USP53: variants seen among roughly 807,000 people sequenced by gnomAD.
USP53 encodes the protein ubiquitin carboxyl-terminal hydrolase 53.
In USP53, 71 loss-of-function variants were observed where a neutral mutation model predicts 94.9. The ratio of observed to expected loss-of-function variants is 0.75; its 90% confidence interval spans 0.62 to 0.91. The LOEUF (loss-of-function observed/expected upper bound fraction) is 0.91, where lower values mean the gene tolerates loss of function less well. Ranked by LOEUF, USP53 falls within the 40% of genes least tolerant of loss-of-function variation. USP53 has a pLI of 0.00. For synonymous variants in USP53, 375 were observed against 422.7 expected, an observed-to-expected ratio of 0.89 and a Z score of 1.39; for missense variants, 1,173 against 1,281.0, an observed-to-expected ratio of 0.92 and a Z score of 1.29.
chr4:119,256,516 G>C lies in USP53; in HGVS notation c.562G>C (p.Ala188Pro). 3 of 1,614,010 alleles carry C rather than the reference G, an allele frequency of 1.9e-6. No homozygotes were observed. The South Asian group carries it at 3.3e-5, about 18-fold the overall frequency. Residue 188 changes from alanine to proline, a missense_variant, in exon 9 of 19, where the codon GCC becomes CCC. By Grantham distance (27) the Ala-to-Pro change is conservative. Coordinates refer to ENST00000692078, the MANE Select transcript of USP53 (RefSeq NM_001371395.1). ...ATTTGTGCGGTACATTTCTACAACA[G>C]CCTTATGGTAAGAACCTATTAAAGC... is the stretch of plus-strand genomic sequence containing the variant. ...TEFVRYISTT[A>P]LCNEVERMLE...
Position 119,239,717 on chromosome 4 carries a change from A to ACATAT in USP53, c.-43_-42insCATAT. On this transcript the variant is annotated 5_prime_UTR_variant, in exon 5 of 19. In the 5' UTR this introduces an upstream ATG that the reference lacks. Transcript: ENST00000692078. ...TTTATTGTCCAAAATATTACATAAA[A>ACATAT]GTGTACAGTTTTTAGCCTAAATGCA... 1.3e-6 allele frequency: 2 copies of ACATAT among 1,570,556 alleles called. No individual in the cohort carries two copies. The highest frequency in any genetic ancestry group is 2.4e-5 in the South Asian group (2 of 83,574).
intron 17 of USP53, among the ~76,000 whole-genome samples, chr4:119,288,290 G>A (rs1754341516): frequency 6.6e-6 from 1 of 152,158 alleles, no homozygotes; most frequent in Non-Finnish European, 1.5e-5. Context: ...TGAGATGAAT[G>A]GCATTGTTTT....
chr4:119,275,321 G>C (rs1578545005), intron 17 of USP53, among the ~76,000 whole-genome samples: 1 of 117,570 alleles, frequency 8.5e-6, no homozygotes, highest in Non-Finnish European at 2.0e-5. Context: ...CATATGGCTA[G>C]CCAGTTTTCC....
intron 17 of USP53, among the ~76,000 whole-genome samples, chr4:119,283,976 G>A (rs985307792): frequency 1.1e-4 from 16 of 151,910 alleles, no homozygotes; most frequent in Non-Finnish European, 1.5e-5. Flanking sequence ...TGGCTTTGCT[G>A]AGGAAGAGAA....
chr4:119,267,702 A>G (rs1461975801), intron 13 of USP53, among the ~76,000 whole-genome samples: 1 of 152,200 alleles, frequency 6.6e-6, no homozygotes, highest in East Asian at 1.9e-4. Context: ...TTATGGTCAC[A>G]CAATCACAGA....
chr4:119,284,292 G>GAA (rs879768224), intron 17 of USP53, among the ~76,000 whole-genome samples: 1 of 141,376 alleles, frequency 7.1e-6, no homozygotes, highest in African/African-American at 2.6e-5. Flanking sequence ...AAATGGTCCA[G>GAA]AAAAAAAAAA....
chr4:119,245,296 T>A, intron 5 of USP53, 41 bp from the exon 6 acceptor site: 1 of 1,582,032 alleles, frequency 6.3e-7, no homozygotes, highest in East Asian at 2.2e-5. Flanking sequence ...GTAAGAAAAA[T>A]TTGTTTATTT....
At chr4:119,223,514 C>T (rs745532374) in intron 3 of USP53, among the ~76,000 whole-genome samples, 8 of 152,100 alleles carry the variant, frequency 5.3e-5, no homozygotes, top group Non-Finnish European at 1.0e-4. Context: ...TATAAGAGAA[C>T]CAAGATTGTA....
At chr4:119,250,227 A>G (rs1407424367) in intron 7 of USP53, among the ~76,000 whole-genome samples, 2 of 152,088 alleles carry the variant, frequency 1.3e-5, no homozygotes, top group Non-Finnish European at 2.9e-5. Context: ...GCCTTTGCTC[A>G]AGTTCCTGAA....
At chr4:119,266,326 G>T in intron 12 of USP53, 1 of 456,172 alleles carries the variant, frequency 2.2e-6, no homozygotes, top group Non-Finnish European at 4.4e-6. Flanking sequence ...GGATTTCTGG[G>T]TTGTGTGGTA....
intron 17 of USP53, among the ~76,000 whole-genome samples, chr4:119,281,421 G>A (rs35646004): frequency 0.092 from 14,052 of 152,122 alleles, 833 homozygotes; most frequent in Non-Finnish European, 0.13. Context: ...TTATTTTTCA[G>A]TTTGCAGACA....
At chr4:119,285,214 A>G (rs1319968230) in intron 17 of USP53, among the ~76,000 whole-genome samples, 1 of 151,848 alleles carries the variant, frequency 6.6e-6, no homozygotes, top group African/African-American at 2.4e-5. Context: ...TGAAGGAGAG[A>G]AAGATGAGAG....
At chr4:119,273,969 A>G (rs1048648315) in intron 17 of USP53, among the ~76,000 whole-genome samples, 6 of 151,202 alleles carry the variant, frequency 4.0e-5, no homozygotes, top group Admixed American at 3.3e-4. Flanking sequence ...TTGACTTCAC[A>G]AAGTGTTAAT....
intron 7 of USP53, among the ~76,000 whole-genome samples, chr4:119,253,419 T>C (rs1232263440): frequency 6.6e-6 from 1 of 152,240 alleles, no homozygotes; most frequent in East Asian, 1.9e-4. Context: ...GGTGCATGTA[T>C]ATTTAGGATA....
chr4:119,286,158 C>A (rs1451198105), intron 17 of USP53, among the ~76,000 whole-genome samples: 1 of 151,562 alleles, frequency 6.6e-6, no homozygotes, highest in East Asian at 1.9e-4. Context: ...AAATTTATTT[C>A]AAATGTATTT....
In USP53 at chr4:119,279,895, C is replaced by T. The variant is rs185915950; in HGVS notation, c.2251+6187C>T. Among the ~76,000 whole-genome samples the T allele has an allele frequency of 2.0e-3, 299 of 152,314 alleles. 3 individuals are homozygous for T. The highest frequency in any genetic ancestry group is 6.5e-3 in the African/African-American group (270 of 41,568). On this transcript the variant is annotated intron_variant, in intron 17 of 18. Coordinates refer to ENST00000692078, the MANE Select transcript of USP53 (RefSeq NM_001371395.1). Reference sequence around the variant, plus strand: ...GCGTCCGTCACCCCTTTCTTTGACTCGGAAAGGGGACTCCCTGACCCCTCG... The same window carrying T: ...GCGTCCGTCACCCCTTTCTTTGACTTGGAAAGGGGACTCCCTGACCCCTCG...
chr4:119,252,485 T>A (rs1004668633), intron 7 of USP53, among the ~76,000 whole-genome samples: 1 of 152,212 alleles, frequency 6.6e-6, no homozygotes, highest in South Asian at 2.1e-4. Context: ...TCCAGAAATT[T>A]ATCCATTTCT....
intron 3 of USP53, among the ~76,000 whole-genome samples, chr4:119,229,265 T>A (rs889450475): frequency 2.0e-5 from 3 of 152,182 alleles, no homozygotes; most frequent in Non-Finnish European, 4.4e-5. Context: ...ACCATAAACC[T>A]GGTGTTTCTG....
At chr4:119,260,961 T>C (rs1359733000) in intron 11 of USP53, among the ~76,000 whole-genome samples, 9 of 140,626 alleles carry the variant, frequency 6.4e-5, no homozygotes, top group Middle Eastern at 7.1e-3. Flanking sequence ...TTTTTTTTTT[T>C]TTTTTTTTTT....
Sources: gnomAD v4.1 joint callset for allele counts (sites outside exome capture counted in the v4.1 genomes callset) on GRCh38, gnomAD v4.1.1 for gene constraint, MANE v1.5 for transcripts, NCBI Gene and HGNC (gene_info 2026-07-23, HGNC 2026-07-21) for gene names.